SPON2: variants seen among roughly 807,000 people sequenced by gnomAD.
The protein encoded by SPON2 is spondin-2.
Under a neutral mutation model 29.9 loss-of-function variants are expected in SPON2, and 32 were observed. The ratio of observed to expected loss-of-function variants is 1.07; its 90% CI spans 0.81 to 1.44. The LOEUF is 1.44. Ranked by LOEUF, SPON2 falls within the 40% of genes most tolerant of loss-of-function variation. SPON2 has a pLI of 0.00. For synonymous variants in SPON2, 248 were observed against 209.1 expected (o/e 1.19, Z -1.61); for missense variants, 541 against 455.5 (o/e 1.19, Z -1.71).
At chr4:1,172,315 C>T in intron 1 of SPON2, 2 of 580,058 alleles carry the variant, frequency 3.4e-6, no homozygotes, top group South Asian at 4.1e-5. Flanking sequence ...GTTTTCAGTC[C>T]GAGTCCCTGC....
rs776423854 is a variant in SPON2, at chr4:1,171,062, C to G, written c.573G>C (p.Thr191=). ...ALDLYPYDAG[T]DSGFTFSSPN... is the part of the protein sequence containing the mutation. ...GGGAGGAGAAGGTGAAGCCGCTGTC[C>G]GTCCCGGCGTCGTAGGGGTACAGGT... is the stretch of plus-strand genomic sequence containing the variant. The change falls in exon 4 of 6, where the codon ACG becomes ACC. Residue 191 remains threonine, a synonymous_variant. Coordinates refer to ENST00000290902, the MANE Select transcript of SPON2 (RefSeq NM_012445.4). 1 of 1,549,668 alleles carries G rather than the reference C, an allele frequency of 6.5e-7. No individual in the cohort carries two copies. Among genetic ancestry groups the G allele is most frequent in the Admixed American group, 2.0e-5 (1 of 50,698 alleles).
chr4:1,189,315 T>A (rs1727858960), intron 1 of SPON2, among the ~76,000 whole-genome samples: 2 of 151,230 alleles, frequency 1.3e-5, no homozygotes. Flanking sequence ...AAGGAAATAA[T>A]AAATAGTAGA....
intron 1 of SPON2, among the ~76,000 whole-genome samples, chr4:1,192,431 A>G (rs143701447): frequency 6.6e-6 from 1 of 152,140 alleles, no homozygotes; most frequent in East Asian, 1.9e-4. Flanking sequence ...AGAGTTTCCT[A>G]CTCTCAATCT....
intron 4 of SPON2, 104 bp downstream of exon 4, chr4:1,170,895 C>G: frequency 6.9e-7 from 1 of 1,451,334 alleles, no homozygotes; most frequent in African/African-American, 1.4e-5. Flanking sequence ...ACAAAAGCCG[C>G]AAGCGGCTGT....
chr4:1,174,258 G>A (rs553799965), upstream of SPON2, among the ~76,000 whole-genome samples: 280 of 151,974 alleles, frequency 1.8e-3, 3 homozygotes, highest in African/African-American at 6.4e-3. Context: ...AGGCCAGGGC[G>A]GGCGGATCAC....
At chr4:1,184,936 C>CAAA (rs71168814) in intron 1 of SPON2, among the ~76,000 whole-genome samples, 4 of 126,138 alleles carry the variant, frequency 3.2e-5, no homozygotes, top group South Asian at 2.6e-4. Flanking sequence ...GACTCTGTCT[C>CAAA]AAAAAAAAAA....
chr4:1,192,901 G>A (rs1008887457), intron 1 of SPON2, among the ~76,000 whole-genome samples: 2 of 152,218 alleles, frequency 1.3e-5, no homozygotes, highest in African/African-American at 4.8e-5. Context: ...GGAAGGAGGT[G>A]CCAGGGAGGG....
In SPON2 at chr4:1,167,672, G is replaced by C; in HGVS notation, c.812-16C>G. ...GTTTCTGGAACTGGACCAAGCAAAG[G>C]GGAGACCGAGGTGAACGCTCGCGTG... On this transcript the variant is annotated splice_polypyrimidine_tract_variant and intron_variant, in intron 5 of 5. Coordinates refer to ENST00000290902, the MANE Select transcript of SPON2 (RefSeq NM_012445.4). 1 of 1,566,462 alleles carries C rather than the reference G, an allele frequency of 6.4e-7. No individual in the cohort carries two copies. The highest frequency in any genetic ancestry group is 1.7e-4 in the Middle Eastern group (1 of 5,866).
upstream of SPON2, among the ~76,000 whole-genome samples, chr4:1,173,820 T>C (rs1727534528): frequency 6.6e-6 from 1 of 152,256 alleles, no homozygotes; most frequent in Non-Finnish European, 1.5e-5. Context: ...CAATGCAGTA[T>C]TTAGACTCCA....
upstream of SPON2, among the ~76,000 whole-genome samples, chr4:1,195,702 T>G (rs1018229323): frequency 2.8e-5 from 4 of 141,188 alleles, no homozygotes; most frequent in Admixed American, 2.1e-4. Context: ...GGGATGCCCC[T>G]GCCCCAGACC....
Position 1,167,439 on chromosome 4 carries a change from C to T in SPON2, c.*33G>A, listed in dbSNP as rs1727275631. 1 of 1,595,192 alleles carries T rather than the reference C, an allele frequency of 6.3e-7. No homozygotes were observed. The highest frequency in any genetic ancestry group is 8.6e-7 in the Non-Finnish European group (1 of 1,169,496). Reference sequence around the variant, plus strand: ...CAGGAGCCCCCGACACCCCATGGCTCCGGGGGGCCCCAGGGGCTGCGGGGC... The same window carrying T: ...CAGGAGCCCCCGACACCCCATGGCTTCGGGGGGCCCCAGGGGCTGCGGGGC... On this transcript the variant is annotated 3_prime_UTR_variant, in exon 6 of 6. Coordinates refer to ENST00000290902, the MANE Select transcript of SPON2 (RefSeq NM_012445.4).
chr4:1,177,728 C>T (rs1357987576), upstream of SPON2, among the ~76,000 whole-genome samples: 1 of 152,152 alleles, frequency 6.6e-6, no homozygotes, highest in African/African-American at 2.4e-5. Context: ...ATGTCAACGG[C>T]TCTTTCAGGG....
intron 1 of SPON2, among the ~76,000 whole-genome samples, chr4:1,182,580 A>G (rs1041024221): frequency 1.3e-5 from 2 of 152,228 alleles, no homozygotes; most frequent in Non-Finnish European, 2.9e-5. Context: ...AAAATGAACA[A>G]AGCCTAAGAA....
At chr4:1,179,509 A>C (rs1182089495) in exon 2 of SPON2, 2 of 152,224 alleles carry the variant, frequency 1.3e-5, no homozygotes, top group African/African-American at 4.8e-5. Context: ...AGGACCTCTG[A>C]GAATTCTCAT....
upstream of SPON2, among the ~76,000 whole-genome samples, chr4:1,174,670 T>G (rs1463884167): frequency 6.6e-6 from 1 of 152,208 alleles, no homozygotes; most frequent in Non-Finnish European, 1.5e-5. Context: ...TATTACACAT[T>G]AACATAAATA....
At chr4:1,206,764 C>G (rs1315013127) in intron 1 of SPON2, among the ~76,000 whole-genome samples, 1 of 151,712 alleles carries the variant, frequency 6.6e-6, no homozygotes, top group African/African-American at 2.4e-5. Context: ...CCGCCAGCAG[C>G]AGAGAACAAA....
chr4:1,174,524 CA>C (rs964726266), upstream of SPON2, among the ~76,000 whole-genome samples: 1 of 136,876 alleles, frequency 7.3e-6, no homozygotes, highest in African/African-American at 2.9e-5. Context: ...AAAACAAAAA[CA>C]AAAAAAACTA....
intron 1 of SPON2, among the ~76,000 whole-genome samples, chr4:1,186,683 A>G (rs1727813743): frequency 1.3e-5 from 2 of 152,224 alleles, no homozygotes; most frequent in Non-Finnish European, 2.9e-5. Flanking sequence ...TAAAACTCTA[A>G]GACAAAAAAC....
chr4:1,168,622 T>G (rs1246782014), intron 5 of SPON2, among the ~76,000 whole-genome samples: 2 of 152,188 alleles, frequency 1.3e-5, no homozygotes, highest in African/African-American at 4.8e-5. Flanking sequence ...GCAGCCCACC[T>G]GGGGAGCACA....
Sources: allele counts gnomAD v4.1 joint callset (sites outside exome capture counted in the v4.1 genomes callset), GRCh38; gene constraint gnomAD v4.1.1; transcripts MANE v1.5; gene names NCBI Gene and HGNC (gene_info 2026-07-23, HGNC 2026-07-21).